Variants in MACROD2 observed in about 807,000 individuals in gnomAD.
MACROD2 encodes the protein mono-ADP ribosylhydrolase 2, also known as ADP-ribose glycohydrolase MACROD2.
In MACROD2, 36 loss-of-function variants were observed where a neutral mutation model predicts 70.4. That is an observed-to-expected ratio of 0.51 (90% CI 0.39 to 0.68). The LOEUF (loss-of-function observed/expected upper bound fraction) is 0.68. Among genes scored for constraint, MACROD2 ranks in the 30% least tolerant of loss-of-function variants. MACROD2 has a pLI of 0.00. For missense variants in MACROD2, 496 were observed against 538.4 expected (o/e 0.92, Z 0.78); for synonymous variants, 172 against 178.8 (o/e 0.96, Z 0.30).
chr20:15,676,254 A>G (rs2146847193), intron 8 of MACROD2, among the ~76,000 whole-genome samples: 1 of 152,310 alleles, frequency 6.6e-6, no homozygotes, highest in East Asian at 1.9e-4. Flanking sequence ...CCTTCTAACT[A>G]AAGTACCTGG....
At chr20:15,138,315 G>C (rs762425317) in intron 5 of MACROD2, among the ~76,000 whole-genome samples, 1 of 151,756 alleles carries the variant, frequency 6.6e-6, no homozygotes, top group African/African-American at 2.4e-5. Flanking sequence ...ATTCCACAAG[G>C]GTCCATTTTC....
At chr20:15,797,412 G>A (rs1195799333) in intron 8 of MACROD2, among the ~76,000 whole-genome samples, 2 of 152,200 alleles carry the variant, frequency 1.3e-5, no homozygotes, top group African/African-American at 4.8e-5. Flanking sequence ...ACCGCGCCCA[G>A]CCTTGGGGTT....
intron 15 of MACROD2, among the ~76,000 whole-genome samples, chr20:16,018,128 A>G (rs149189711): frequency 6.6e-6 from 1 of 152,348 alleles, no homozygotes; most frequent in Non-Finnish European, 1.5e-5. Flanking sequence ...GTAAAATATT[A>G]AAAAATGAAT....
chr20:14,040,797 G>A (rs936419629), intron 2 of MACROD2, among the ~76,000 whole-genome samples: 1 of 152,166 alleles, frequency 6.6e-6, no homozygotes, highest in African/African-American at 2.4e-5. Flanking sequence ...TGACATTATG[G>A]AACCACTGTT....
At chr20:15,635,881 A>C (rs978228927) in intron 8 of MACROD2, among the ~76,000 whole-genome samples, 1 of 152,032 alleles carries the variant, frequency 6.6e-6, no homozygotes, top group Non-Finnish European at 1.5e-5. Flanking sequence ...CAGCCTGGCC[A>C]ACATGGCAAA....
At chr20:14,100,492 A>G (rs1433879810) in intron 3 of MACROD2, among the ~76,000 whole-genome samples, 1 of 149,414 alleles carries the variant, frequency 6.7e-6, no homozygotes, top group Non-Finnish European at 1.5e-5. Context: ...GTTTATTGAG[A>G]GAAAATATAG....
At chr20:15,754,507 G>A (rs1037182303) in intron 8 of MACROD2, among the ~76,000 whole-genome samples, 11 of 151,990 alleles carry the variant, frequency 7.2e-5, no homozygotes, top group Non-Finnish European at 1.2e-4. Flanking sequence ...CTACTCGGGA[G>A]GCTGAGGTAG....
chr20:15,490,632 G>A (rs893237611), intron 7 of MACROD2, among the ~76,000 whole-genome samples: 12 of 152,090 alleles, frequency 7.9e-5, no homozygotes, highest in Non-Finnish European at 1.5e-4. Context: ...TCATGGGGGC[G>A]ACGAAGTCCA....
chr20:15,137,501 T>C (rs1159768463), intron 5 of MACROD2, among the ~76,000 whole-genome samples: 1 of 136,568 alleles, frequency 7.3e-6, no homozygotes, highest in Admixed American at 8.2e-5. Flanking sequence ...TAGGTGGGAA[T>C]TGAACAATGA....
chr20:15,083,962 GC>G (rs778075217), intron 5 of MACROD2, among the ~76,000 whole-genome samples: 35 of 152,020 alleles, frequency 2.3e-4, no homozygotes, highest in African/African-American at 8.2e-4. Flanking sequence ...GTAGGCAAAG[GC>G]CATTAAATTC....
chr20:15,770,099 T>C (rs1415459461), intron 8 of MACROD2, among the ~76,000 whole-genome samples: 5 of 98,304 alleles, frequency 5.1e-5, no homozygotes, highest in Admixed American at 1.0e-4. Context: ...CTTTTTTTTT[T>C]TTTTTTTTTT....
chr20:15,554,557 A>G (rs1401188613), intron 8 of MACROD2, among the ~76,000 whole-genome samples: 6 of 152,006 alleles, frequency 3.9e-5, no homozygotes, highest in Admixed American at 1.3e-4. Flanking sequence ...AAAAAAAAAA[A>G]AAAAGAAATA....
At chr20:14,823,767 G>C (rs886224686) in intron 5 of MACROD2, among the ~76,000 whole-genome samples, 13 of 151,990 alleles carry the variant, frequency 8.6e-5, no homozygotes, top group African/African-American at 3.1e-4. Flanking sequence ...AAATATATTT[G>C]GTGGCTTTTT....
chr20:14,014,889 C>T (rs1334725603), intron 2 of MACROD2, among the ~76,000 whole-genome samples: 3 of 152,110 alleles, frequency 2.0e-5, no homozygotes, highest in Non-Finnish European at 2.9e-5. Flanking sequence ...GAACCTTGAC[C>T]TCCTGGGCTC....
intron 5 of MACROD2, among the ~76,000 whole-genome samples, chr20:14,696,848 C>T (rs1233739131): frequency 6.6e-6 from 1 of 152,106 alleles, no homozygotes; most frequent in East Asian, 1.9e-4. Flanking sequence ...GATATTATGG[C>T]ATGTGATGAC....
intron 5 of MACROD2, among the ~76,000 whole-genome samples, chr20:15,038,740 G>C (rs1249907515): frequency 6.6e-6 from 1 of 152,194 alleles, no homozygotes; most frequent in Non-Finnish European, 1.5e-5. Flanking sequence ...ATGGTCCCTA[G>C]TTGGATGATC....
chr20:15,994,662 TCTTAAGA>T (rs979135920), intron 15 of MACROD2, among the ~76,000 whole-genome samples: 68 of 152,328 alleles, frequency 4.5e-4, no homozygotes, highest in African/African-American at 1.2e-3. Flanking sequence ...CTTGTAAGTC[TCTTAAGA>T]CTTAAGTCTG....
chr20:14,742,511 T>C (rs935112507), intron 5 of MACROD2, among the ~76,000 whole-genome samples: 2 of 152,008 alleles, frequency 1.3e-5, no homozygotes, highest in Admixed American at 1.3e-4. Flanking sequence ...TAGTACTTAA[T>C]ATAAACTATC....
At chr20:14,197,665 G>C (rs942924362) in intron 3 of MACROD2, among the ~76,000 whole-genome samples, 4 of 152,076 alleles carry the variant, frequency 2.6e-5, no homozygotes, top group African/African-American at 9.7e-5. Flanking sequence ...TACTTGGGAG[G>C]CTGAGACAGG....
Sources: gnomAD v4.1 joint callset for allele counts (sites outside exome capture counted in the v4.1 genomes callset) on GRCh38, gnomAD v4.1.1 for gene constraint, MANE v1.5 for transcripts, NCBI Gene and HGNC (gene_info 2026-07-23, HGNC 2026-07-21) for gene names.